The following LYZL4 variants were observed in gnomAD, a reference collection of about 807,000 sequenced individuals.
The protein encoded by LYZL4 is lysozyme-like protein 4.
A neutral mutation model predicts 17.6 loss-of-function variants in LYZL4; 13 were observed. That is an observed-to-expected ratio of 0.74 (90% confidence interval 0.48 to 1.18). The LOEUF is 1.18. Ranked by LOEUF, LYZL4 falls within the 50% of genes most tolerant of loss-of-function variation. The pLI is 0.00. For synonymous variants in LYZL4, 64 were observed against 67.7 expected, an observed-to-expected ratio of 0.95 and a Z score of 0.27; for missense variants, 174 against 188.2, an observed-to-expected ratio of 0.92 and a Z score of 0.44.
At position 42,404,144 on chromosome 3, in the gene LYZL4, G is replaced by C; in HGVS notation, c.293-20C>G. 1 of 1,534,716 alleles carries C rather than the reference G, an allele frequency of 6.5e-7. No homozygotes were observed. The highest frequency in any genetic ancestry group is 9.0e-7 in the Non-Finnish European group (1 of 1,108,100). ...GTAAAGCTGTGGGGAAAAGAAAATGGAAGATACCATGCTGCCATATGACAG... is the reference window on the plus strand; with the variant it reads ...GTAAAGCTGTGGGGAAAAGAAAATGCAAGATACCATGCTGCCATATGACAG... On this transcript the variant is annotated intron_variant, in intron 3 of 4. Transcript: ENST00000287748.
At chr3:42,361,117 C>T in the LYZL4 span, among the ~76,000 whole-genome samples, 1 of 152,162 alleles carries the variant, frequency 6.6e-6, no homozygotes, top group African/African-American at 2.4e-5. Flanking sequence ...TCTAGTTTAT[C>T]TTTCCAGTGT....
chr3:42,374,361 A>C, the LYZL4 span, among the ~76,000 whole-genome samples: 4 of 152,202 alleles, frequency 2.6e-5, no homozygotes, highest in African/African-American at 9.6e-5. Flanking sequence ...GACATAGTTG[A>C]AATGGATTTC....
the LYZL4 span, among the ~76,000 whole-genome samples, chr3:42,388,135 GCC>G: frequency 6.6e-6 from 1 of 152,148 alleles, no homozygotes; most frequent in Non-Finnish European, 1.5e-5. Context: ...ACAGTGGGTG[GCC>G]AGAAGAAAAA....
the LYZL4 span, among the ~76,000 whole-genome samples, chr3:42,373,140 G>A: frequency 6.6e-5 from 10 of 152,306 alleles, no homozygotes; most frequent in African/African-American, 2.4e-4. Context: ...GAACCCTGGA[G>A]GCAGAGGTTG....
chr3:42,408,063 A>G (rs552492632), intron 1 of LYZL4, among the ~76,000 whole-genome samples: 1 of 152,210 alleles, frequency 6.6e-6, no homozygotes, highest in East Asian at 1.9e-4. Flanking sequence ...GGCTGCCACC[A>G]TCTAAACCCA....
chr3:42,377,222 T>A, the LYZL4 span, among the ~76,000 whole-genome samples: 1 of 152,178 alleles, frequency 6.6e-6, no homozygotes, highest in Non-Finnish European at 1.5e-5. Context: ...GTGTTGAGCA[T>A]AATTTGTCCA....
At chr3:42,394,860 C>T (rs746823571), downstream of LYZL4, among the ~76,000 whole-genome samples, 6 of 152,136 alleles carry the variant, frequency 3.9e-5, no homozygotes, top group African/African-American at 4.8e-5. Context: ...ATTTGGCACT[C>T]GAGGAGATAG....
chr3:42,394,331 A>T (rs1698524509), downstream of LYZL4, among the ~76,000 whole-genome samples: 3 of 152,166 alleles, frequency 2.0e-5, no homozygotes. Context: ...TAATACCAAT[A>T]TAGTACCAGG....
chr3:42,409,908 C>G (rs1698831973), intron 1 of LYZL4, among the ~76,000 whole-genome samples: 1 of 152,200 alleles, frequency 6.6e-6, no homozygotes, highest in Non-Finnish European at 1.5e-5. Context: ...CACCTTCACT[C>G]TGCCATAGTC....
the LYZL4 span, among the ~76,000 whole-genome samples, chr3:42,391,536 G>T: frequency 6.6e-6 from 1 of 152,046 alleles, no homozygotes; most frequent in Admixed American, 6.5e-5. Context: ...GCTAAGATGT[G>T]GACTAAGAAT....
chr3:42,402,252 G>C (rs186801732), intron 4 of LYZL4, among the ~76,000 whole-genome samples: 1 of 150,988 alleles, frequency 6.6e-6, no homozygotes, highest in Non-Finnish European at 1.5e-5. Flanking sequence ...GCTACAGTGA[G>C]CTATGATAAT....
the LYZL4 span, among the ~76,000 whole-genome samples, chr3:42,389,237 C>T: frequency 6.6e-6 from 1 of 152,198 alleles, no homozygotes; most frequent in African/African-American, 2.4e-5. Context: ...AACAGACATT[C>T]TTCCTCTGAC....
the LYZL4 span, among the ~76,000 whole-genome samples, chr3:42,389,206 T>A: frequency 6.6e-6 from 1 of 152,078 alleles, no homozygotes; most frequent in Non-Finnish European, 1.5e-5. Context: ...TTCATGGAGA[T>A]CTAGAAGGCA....
At chr3:42,369,624 C>T in the LYZL4 span, among the ~76,000 whole-genome samples, 1 of 152,172 alleles carries the variant, frequency 6.6e-6, no homozygotes, top group Non-Finnish European at 1.5e-5. Flanking sequence ...CTCTCGGAGG[C>T]CCAGACACAG....
At position 42,405,325 on chromosome 3, in the gene LYZL4, G is replaced by A. The variant is rs111665134; in HGVS notation, c.293-1201C>T. Among the ~76,000 whole-genome samples the A allele has an allele frequency of 4.8e-3, 734 of 152,332 alleles. 7 individuals carry two copies. The highest frequency in any genetic ancestry group is 0.017 in the African/African-American group (694 of 41,572). ...GGCCTCCCAAAGTGCTGGGATTACA[G>A]GCGTGAGCCGCCGCGCCTGGCCGCT... On this transcript the variant is annotated intron_variant, in intron 3 of 4. Coordinates refer to ENST00000287748, the MANE Select transcript of LYZL4 (RefSeq NM_144634.4).
At chr3:42,398,732 G>A (rs1251217216) in intron 4 of LYZL4, among the ~76,000 whole-genome samples, 2 of 152,100 alleles carry the variant, frequency 1.3e-5, no homozygotes, top group African/African-American at 4.8e-5. Context: ...GGCTTAATTT[G>A]TGTGTGTGCC....
chr3:42,368,652 C>T, the LYZL4 span, among the ~76,000 whole-genome samples: 2 of 151,884 alleles, frequency 1.3e-5, no homozygotes, highest in Non-Finnish European at 2.9e-5. Context: ...TAAATAAGGG[C>T]ACCGTATTGC....
the LYZL4 span, among the ~76,000 whole-genome samples, chr3:42,371,280 C>T: frequency 6.6e-6 from 1 of 152,200 alleles, no homozygotes; most frequent in Admixed American, 6.5e-5. Context: ...CAGAGAAATC[C>T]CAAATCTTTT....
chr3:42,386,850 T>C, the LYZL4 span, among the ~76,000 whole-genome samples: 1 of 152,220 alleles, frequency 6.6e-6, no homozygotes, highest in Non-Finnish European at 1.5e-5. Flanking sequence ...AATAATCTTA[T>C]ATTGAAGGAA....
Sources: allele counts gnomAD v4.1 joint callset (sites outside exome capture counted in the v4.1 genomes callset), GRCh38; gene constraint gnomAD v4.1.1; transcripts MANE v1.5; gene names NCBI Gene and HGNC (gene_info 2026-07-23, HGNC 2026-07-21).